SYT14: variants seen among roughly 807,000 people sequenced by gnomAD.
SYT14 encodes synaptotagmin 14, also known as synaptotagmin-14.
A neutral mutation model predicts 74.2 loss-of-function variants in SYT14; 32 were observed. The observed-to-expected ratio is 0.43, with a 90% confidence interval of 0.33 to 0.58. SYT14 has a LOEUF of 0.58. Among genes scored for constraint, SYT14 ranks in the 20% least tolerant of loss-of-function variants. The pLI, the probability that SYT14 is intolerant of heterozygous loss-of-function variation, is 0.05. For missense variants in SYT14, 791 were observed against 981.8 expected (o/e 0.81, Z 2.60); for synonymous variants, 298 against 337.7 (o/e 0.88, Z 1.29).
intron 7 of SYT14, among the ~76,000 whole-genome samples, chr1:210,132,811 G>A (rs1328972375): frequency 5.3e-5 from 8 of 152,034 alleles, no homozygotes; most frequent in Admixed American, 5.2e-4. Flanking sequence ...CAAGTCCCTA[G>A]CCTCTCTTCT....
chr1:210,042,857 G>A (rs2102349920), intron 5 of SYT14, among the ~76,000 whole-genome samples: 1 of 152,278 alleles, frequency 6.6e-6, no homozygotes, highest in Non-Finnish European at 1.5e-5. Context: ...GGTTCCATAT[G>A]AAATTTAAGT....
At chr1:209,990,650 A>G (rs1171973064) in intron 2 of SYT14, among the ~76,000 whole-genome samples, 2 of 143,706 alleles carry the variant, frequency 1.4e-5, no homozygotes, top group Non-Finnish European at 3.1e-5. Flanking sequence ...TTTATCAAAA[A>G]TTTAGCAGTA....
intron 1 of SYT14, among the ~76,000 whole-genome samples, chr1:209,939,783 A>G (rs150127228): frequency 1.1e-3 from 165 of 152,370 alleles, no homozygotes; most frequent in African/African-American, 3.8e-3. Flanking sequence ...TAGGCAGAGC[A>G]TGAGGAAAAT....
In SYT14 at chr1:210,094,729, T is replaced by C. The variant is rs1440006935; in HGVS notation, c.1584+136T>C. 2.7e-6 allele frequency: 3 copies of C among 1,094,424 alleles called. No homozygotes were observed. The African/African-American group carries it at 4.7e-5, about 17-fold the overall frequency. The allele number at this position is 1,094,424 out of a possible 1,614,324, so 67.8% of individuals were successfully genotyped here. A position where few individuals can be genotyped will look rare whatever the true frequency, so the allele number is the denominator to read the frequency against. ...TTATAGTACCAGTATCCATCCTTAA[T>C]CTAATCTTTATCCAACAAACTTATC... On this transcript the variant is annotated intron_variant, in intron 6 of 9. Transcript: ENST00000637265.
chr1:210,005,877 CTTTT>C (rs1007865224), intron 2 of SYT14, among the ~76,000 whole-genome samples: 1 of 151,482 alleles, frequency 6.6e-6, no homozygotes, highest in African/African-American at 2.4e-5. Flanking sequence ...TTTGGGTTTT[CTTTT>C]TTTTCTAATT....
At chr1:210,121,861 C>A (rs372450939) in intron 7 of SYT14, among the ~76,000 whole-genome samples, 2 of 151,096 alleles carry the variant, frequency 1.3e-5, no homozygotes, top group Admixed American at 1.3e-4. Flanking sequence ...TATAAATATT[C>A]TTTAAATAAA....
At position 210,055,620 on chromosome 1, in the gene SYT14, C is replaced by T. The variant is rs188621056; in HGVS notation, c.1312+34366C>T. Among the ~76,000 whole-genome samples the T allele has an allele frequency of 2.0e-4, 30 of 151,068 alleles. No individual in the cohort carries two copies. In the East Asian group the frequency reaches 5.6e-3, roughly 28 times the overall value. ...TTCCTTGAAGCCAGGAGTTCGAGACCAGCCTGGTCAACATAATGAAACCGC... is the reference window on the plus strand; with the variant it reads ...TTCCTTGAAGCCAGGAGTTCGAGACTAGCCTGGTCAACATAATGAAACCGC... On this transcript the variant is annotated intron_variant, in intron 5 of 9. Coordinates refer to ENST00000637265, the Ensembl canonical transcript of SYT14.
intron 5 of SYT14, among the ~76,000 whole-genome samples, chr1:210,062,124 A>G (rs975033704): frequency 6.6e-6 from 1 of 151,828 alleles, no homozygotes; most frequent in African/African-American, 2.4e-5. Flanking sequence ...TCCAAGCCTG[A>G]GGATATTGAT....
At chr1:210,022,952 G>C (rs767691661) in intron 5 of SYT14, among the ~76,000 whole-genome samples, 27 of 152,236 alleles carry the variant, frequency 1.8e-4, no homozygotes, top group Non-Finnish European at 3.5e-4. Context: ...GCAGTGAGGA[G>C]AGAGGTACAC....
At chr1:210,134,195 C>G (rs1167022670) in intron 7 of SYT14, among the ~76,000 whole-genome samples, 1 of 152,040 alleles carries the variant, frequency 6.6e-6, no homozygotes, top group Non-Finnish European at 1.5e-5. Flanking sequence ...CTCAACCTCC[C>G]AGGCTCAAGC....
chr1:210,153,379 A>G (rs2083206637), intron 7 of SYT14, among the ~76,000 whole-genome samples: 4 of 152,186 alleles, frequency 2.6e-5, no homozygotes, highest in Admixed American at 1.3e-4. Context: ...AATTTAATCT[A>G]TGGATTAATT....
chr1:209,958,929 G>T (rs982577262), intron 2 of SYT14, among the ~76,000 whole-genome samples: 2 of 152,096 alleles, frequency 1.3e-5, no homozygotes, highest in South Asian at 2.1e-4. Context: ...TGTTGGCGAG[G>T]ATGTGGAGGA....
rs562877892 is a variant in SYT14, at chr1:210,087,108, C to T, written c.1313-7214C>T. 1.4e-3 allele frequency among the ~76,000 whole-genome samples: 220 copies of T among 152,222 alleles called. 1 individual carries two copies. Among genetic ancestry groups the T allele is most frequent in the African/African-American group, 5.0e-3 (209 of 41,522 alleles). ...GGTCAGCTTGCCCCACATTGGGTGC[C>T]CTCATCGTCCTATCTAGGCCCTGAC... On this transcript the variant is annotated intron_variant, in intron 5 of 9. Transcript: ENST00000637265.
intron 2 of SYT14, chr1:209,965,831 G>A (rs1270710388): frequency 1.7e-5 from 7 of 421,086 alleles, no homozygotes; most frequent in Non-Finnish European, 2.8e-5. Context: ...TTATCCTTTT[G>A]TATCAAATCA....
intron 3 of SYT14, among the ~76,000 whole-genome samples, chr1:210,014,516 G>A (rs916722479): frequency 1.5e-4 from 22 of 151,390 alleles, no homozygotes; most frequent in Non-Finnish European, 5.9e-5. Context: ...AATTATAAAA[G>A]CAAAGTGTTA....
chr1:209,988,769 A>T (rs1353597322), intron 2 of SYT14, among the ~76,000 whole-genome samples: 1 of 152,124 alleles, frequency 6.6e-6, no homozygotes, highest in Non-Finnish European at 1.5e-5. Context: ...AAGATTTGGC[A>T]TGTCTTCCCT....
chr1:210,135,587 A>G (rs757730087), intron 7 of SYT14, among the ~76,000 whole-genome samples: 5 of 152,072 alleles, frequency 3.3e-5, no homozygotes, highest in Non-Finnish European at 5.9e-5. Context: ...GTTTTTATCA[A>G]TTGACTTTTT....
intron 1 of SYT14, among the ~76,000 whole-genome samples, chr1:209,944,226 A>G (rs531039937): frequency 1.8e-4 from 27 of 152,366 alleles, no homozygotes; most frequent in Non-Finnish European, 3.2e-4. Context: ...AGTTGACTAG[A>G]AAATTCACTT....
At chr1:209,939,228 C>T (rs2078689078) in intron 1 of SYT14, among the ~76,000 whole-genome samples, 1 of 152,196 alleles carries the variant, frequency 6.6e-6, no homozygotes, top group Non-Finnish European at 1.5e-5. Flanking sequence ...TTAACTCAAA[C>T]AGTGAAAGTA....
Sources: allele counts gnomAD v4.1 joint callset (sites outside exome capture counted in the v4.1 genomes callset), GRCh38; gene constraint gnomAD v4.1.1; transcripts MANE v1.5; gene names NCBI Gene and HGNC (gene_info 2026-07-23, HGNC 2026-07-21).